The following SFT2D1 variants were observed in gnomAD, a reference collection of about 807,000 sequenced individuals.
SFT2D1 encodes the protein SFT2 domain containing 1, also known as vesicle transport protein SFT2A.
SFT2D1 carries 24 observed loss-of-function variants against 28.1 expected under a neutral mutation model. The observed-to-expected ratio is 0.85, with a 90% CI of 0.62 to 1.20. The LOEUF (loss-of-function observed/expected upper bound fraction) is 1.20. Among genes scored for constraint, SFT2D1 ranks in the 50% most tolerant of loss-of-function variants. The probability of loss-of-function intolerance (pLI) is 0.00; values close to 1 mark genes in which losing one functional copy is unlikely to be tolerated. For synonymous variants in SFT2D1, 82 were observed against 73.7 expected (o/e 1.11, Z -0.58); for missense variants, 181 against 190.9 (o/e 0.95, Z 0.31).
chr6:166,329,818 C>T (rs1210547852), intron 2 of SFT2D1, among the ~76,000 whole-genome samples: 1 of 152,118 alleles, frequency 6.6e-6, no homozygotes, highest in African/African-American at 2.4e-5. Flanking sequence ...TGAGCCATAA[C>T]AAAACTTTGT....
chr6:166,326,793 G>C (rs1210237674), intron 4 of SFT2D1, among the ~76,000 whole-genome samples: 1 of 152,188 alleles, frequency 6.6e-6, no homozygotes, highest in Admixed American at 6.5e-5. Context: ...ACGTTCCCAC[G>C]TTCTCTCAAC....
rs767993894 is a variant in SFT2D1, at chr6:166,342,494, G to C, written c.-13C>G. 2.6e-6 allele frequency: 4 copies of C among 1,545,652 alleles called. No individual in the cohort carries two copies. Among genetic ancestry groups the C allele is most frequent in the Non-Finnish European group, 3.5e-6 (4 of 1,144,970 alleles). On this transcript the variant is annotated 5_prime_UTR_variant, in exon 1 of 8. Transcript: ENST00000361731. ...GCAGCTTCTCCATGGCCCTGTTACA[G>C]GGCCGTAGCGGCCGCCACTCTGTTG... is the stretch of plus-strand genomic sequence containing the variant.
intron 1 of SFT2D1, among the ~76,000 whole-genome samples, chr6:166,342,181 G>T (rs1432589942): frequency 2.7e-5 from 4 of 149,686 alleles, no homozygotes; most frequent in Non-Finnish European, 4.5e-5. Flanking sequence ...TCCTAAGTCA[G>T]AAGGCCAGAT....
At chr6:166,325,376 A>G (rs1008488835) in intron 5 of SFT2D1, among the ~76,000 whole-genome samples, 2 of 152,188 alleles carry the variant, frequency 1.3e-5, no homozygotes, top group African/African-American at 4.8e-5. Flanking sequence ...ACTGCTTCAA[A>G]CCCATTTGGG....
At chr6:166,341,773 G>A (rs1280957820) in intron 1 of SFT2D1, among the ~76,000 whole-genome samples, 1 of 151,884 alleles carries the variant, frequency 6.6e-6, no homozygotes, top group Non-Finnish European at 1.5e-5. Context: ...TCTTGCTGGA[G>A]GAAGTAACCC....
chr6:166,326,796 C>G (rs1048891897), intron 4 of SFT2D1, among the ~76,000 whole-genome samples: 14 of 152,228 alleles, frequency 9.2e-5, no homozygotes. Flanking sequence ...TTCCCACGTT[C>G]TCTCAACATG....
intron 1 of SFT2D1, among the ~76,000 whole-genome samples, chr6:166,332,470 G>A (rs1778569847): frequency 6.6e-6 from 1 of 152,140 alleles, no homozygotes; most frequent in South Asian, 2.1e-4. Context: ...TGGCCAGGCT[G>A]GTCTCAAACT....
At position 166,320,083 on chromosome 6, in the gene SFT2D1, C is replaced by T. The variant is rs1583031459; in HGVS notation, c.*134G>A. ...CAAGCATGTAGTTTTTACCAGTATA[C>T]AAAATGAGACTTAGTACAAAACGGT... On this transcript the variant is annotated 3_prime_UTR_variant, in exon 8 of 8. Transcript: ENST00000361731. 1 of 714,602 alleles carries T rather than the reference C, an allele frequency of 1.4e-6. No individual in the cohort carries two copies. Among genetic ancestry groups the T allele is most frequent in the South Asian group, 1.8e-5 (1 of 56,716 alleles). 44.3% of individuals were successfully genotyped at this position (714,602 alleles called of 1,614,324 possible). A position where few individuals can be genotyped will look rare whatever the true frequency, so the allele number is the denominator to read the frequency against.
At chr6:166,332,542 C>T (rs915475960) in intron 1 of SFT2D1, among the ~76,000 whole-genome samples, 3 of 152,226 alleles carry the variant, frequency 2.0e-5, no homozygotes, top group East Asian at 1.9e-4. Flanking sequence ...GCATGAGCCA[C>T]GAGCCACTGC....
intron 4 of SFT2D1, 112 bp from the exon 5 acceptor site, chr6:166,326,279 A>G: frequency 1.2e-6 from 1 of 843,060 alleles, no homozygotes. Flanking sequence ...TAGAACAAAA[A>G]TAAGAATACA....
chr6:166,329,943 A>G (rs1445964716), intron 2 of SFT2D1, among the ~76,000 whole-genome samples: 2 of 152,146 alleles, frequency 1.3e-5, no homozygotes, highest in African/African-American at 4.8e-5. Context: ...ACATTGATAC[A>G]TTTTTCTTAA....
At chr6:166,321,946 C>T (rs372423830) in intron 7 of SFT2D1, among the ~76,000 whole-genome samples, 2 of 152,152 alleles carry the variant, frequency 1.3e-5, no homozygotes, top group South Asian at 2.1e-4. Context: ...TGCAGTGGCA[C>T]GATCTTGGCT....
chr6:166,339,495 C>T (rs2114915263), intron 1 of SFT2D1, among the ~76,000 whole-genome samples: 1 of 152,294 alleles, frequency 6.6e-6, no homozygotes, highest in East Asian at 1.9e-4. Context: ...CTACCACCCA[C>T]TTCTTTGCTC....
chr6:166,326,826 G>C (rs572231941), intron 4 of SFT2D1, among the ~76,000 whole-genome samples: 24 of 152,354 alleles, frequency 1.6e-4, no homozygotes, highest in African/African-American at 5.5e-4. Context: ...GTAAGGTACA[G>C]TATGTTACTA....
At chr6:166,328,664 G>A (rs1291591759) in intron 3 of SFT2D1, among the ~76,000 whole-genome samples, 2 of 152,218 alleles carry the variant, frequency 1.3e-5, no homozygotes. Flanking sequence ...CTGCCTGGGG[G>A]TTGCTCTTTC....
At chr6:166,340,714 A>G (rs562968882) in intron 1 of SFT2D1, among the ~76,000 whole-genome samples, 1 of 152,126 alleles carries the variant, frequency 6.6e-6, no homozygotes, top group South Asian at 2.1e-4. Flanking sequence ...GACACATTAT[A>G]TACTTGTTTA....
At chr6:166,320,734 C>G (rs1778337206) in intron 7 of SFT2D1, among the ~76,000 whole-genome samples, 1 of 150,132 alleles carries the variant, frequency 6.7e-6, no homozygotes, top group Non-Finnish European at 1.5e-5. Context: ...CCAAGCTGGT[C>G]TCAAACTCCT....
chr6:166,336,767 G>A (rs1224511593), intron 1 of SFT2D1, among the ~76,000 whole-genome samples: 2 of 152,134 alleles, frequency 1.3e-5, no homozygotes, highest in East Asian at 1.9e-4. Flanking sequence ...GCGGGGTCTC[G>A]CCATGTTGCC....
chr6:166,334,914 A>C (rs1778617720), intron 1 of SFT2D1: 1 of 424,246 alleles, frequency 2.4e-6, no homozygotes, highest in Non-Finnish European at 4.5e-6. Context: ...GGCGGCATTA[A>C]AGAAGACATT....
Sources: gnomAD v4.1 joint callset for allele counts (sites outside exome capture counted in the v4.1 genomes callset) on GRCh38, gnomAD v4.1.1 for gene constraint, MANE v1.5 for transcripts, NCBI Gene and HGNC (gene_info 2026-07-23, HGNC 2026-07-21) for gene names.